Variants in ASPG observed in about 807,000 individuals in gnomAD.
ASPG encodes the protein 60 kDa lysophospholipase.
A neutral mutation model predicts 63.2 loss-of-function variants in ASPG; 53 were observed. The ratio of observed to expected loss-of-function variants is 0.84; its 90% CI spans 0.67 to 1.05. The LOEUF (loss-of-function observed/expected upper bound fraction) is 1.05. Among genes scored for constraint, ASPG ranks in the 50% least tolerant of loss-of-function variants. The pLI is 0.00. For missense variants in ASPG, 741 were observed against 794.4 expected (o/e 0.93, Z 0.81); for synonymous variants, 370 against 355.0 (o/e 1.04, Z -0.48).
At position 104,104,492 on chromosome 14, in the gene ASPG, G is replaced by A; in HGVS notation, c.936+6G>A. ...CAGACTATGCAGCTGGCATGGTAGT[G>A]CCGGGAGATCAGGGCCTAGCGGGGA... On this transcript the variant is annotated splice_donor_region_variant and intron_variant, in intron 8 of 15. Coordinates refer to ENST00000551177, the MANE Select transcript of ASPG (RefSeq NM_001080464.3). 1 of 1,611,212 alleles carries A rather than the reference G, an allele frequency of 6.2e-7. No individual in the cohort carries two copies. Among genetic ancestry groups the A allele is most frequent in the African/African-American group, 1.3e-5 (1 of 75,044 alleles).
intron 1 of ASPG, among the ~76,000 whole-genome samples, chr14:104,087,225 TCTC>T (rs144902118): frequency 0.013 from 1,990 of 152,230 alleles, 12 homozygotes; most frequent in Middle Eastern, 0.017. Context: ...CCTCTGCACT[TCTC>T]CTTCTGCCTG....
rs565281103 is a variant in ASPG at position 104,109,753 on chromosome 14, G to A, written c.1520+438G>A. ...AGCTGAAGCCCCTGGCAGGTGACAG[G>A]TCTCGTGAGCTCTGTTCTCCCCAGC... On this transcript the variant is annotated intron_variant, in intron 13 of 15. Transcript: ENST00000551177. This position sits in a 1 kb window ranked among gnomAD's most constrained non-coding sequence, Gnocchi z 4.8. 1.3e-5 allele frequency among the ~76,000 whole-genome samples: 2 copies of A among 152,058 alleles called. No homozygotes were observed. Among genetic ancestry groups the A allele is most frequent in the East Asian group, 3.9e-4 (2 of 5,144 alleles).
intron 9 of ASPG, 115 bp from the exon 10 acceptor site, chr14:104,105,213 G>A (rs2037068670): frequency 5.9e-6 from 9 of 1,520,718 alleles, no homozygotes; most frequent in South Asian, 3.5e-5. Flanking sequence ...ACACACGGCC[G>A]AGGCTCAGGC....
At chr14:104,108,319 T>C in intron 12 of ASPG, 1 of 795,888 alleles carries the variant, frequency 1.3e-6, no homozygotes, top group Non-Finnish European at 1.5e-6. Context: ...GCTTCTAGAC[T>C]GGGCGTCCTT....
intron 1 of ASPG, 145 bp from the exon 2 acceptor site, chr14:104,092,488 G>T (rs2036397966): frequency 1.2e-5 from 8 of 692,648 alleles, no homozygotes; most frequent in Middle Eastern, 8.0e-4. Flanking sequence ...GGTCCCAGGG[G>T]CAGCCATAGC....
In ASPG at chr14:104,109,119, G is replaced by A. The variant is rs183289227; in HGVS notation, c.1434-110G>A. The A allele has an allele frequency of 6.2e-5, 95 of 1,525,614 alleles. No homozygotes were observed. The highest frequency in any genetic ancestry group is 2.7e-4 in the East Asian group (11 of 40,802). 94.5% of individuals were successfully genotyped at this position (1,525,614 alleles called of 1,614,324 possible). ...GGCTAGGGCTGTGGGGTCTTGGGCC[G>A]GCCGGTCCCCGTCCCTGTGCACAGG... On this transcript the variant is annotated intron_variant, in intron 12 of 15. Transcript: ENST00000551177. This position sits in a 1 kb window ranked among gnomAD's most constrained non-coding sequence, Gnocchi z 4.8.
Position 104,105,336 on chromosome 14 carries a change from C to G in ASPG, c.1059C>G (p.Thr353=), listed in dbSNP as rs762269162. The change falls in exon 10 of 16, where the codon ACC becomes ACG. Residue 353 remains threonine, a synonymous_variant. Transcript: ENST00000551177. ...TCTGTTCTCTCCACCAGCTGCTGAC[C>G]AAGGACCTTCGGGGGGAGATGACGC... ...LSLDVRKELL[T]KDLRGEMTPP... is the part of the protein sequence containing the mutation. 2.6e-5 allele frequency: 42 copies of G among 1,612,536 alleles called. No homozygotes were observed. In the South Asian group the frequency reaches 3.2e-4, roughly 12 times the overall value.
chr14:104,108,380 TCTC>T (rs2037236960), intron 12 of ASPG: 2 of 984,056 alleles, frequency 2.0e-6, no homozygotes, highest in Non-Finnish European at 2.4e-6. Context: ...CGCCCCCTCG[TCTC>T]CTCCTGACTC....
rs936468653 is a variant in ASPG at position 104,093,571 on chromosome 14, C to A, written c.272C>A (p.Ala91Asp). Residue 91 changes from alanine to aspartate, a missense_variant, in exon 3 of 16, where the codon GCT (alanine) becomes GAT (aspartate). Ala to Asp is a moderately radical substitution (Grantham distance 126). Coordinates refer to ENST00000551177, the MANE Select transcript of ASPG (RefSeq NM_001080464.3). Reference protein sequence around the residue: ...PLFDSSDMTIAEWVCLAQTIK... With the variant: ...PLFDSSDMTIDEWVCLAQTIK... ...TTCGACTCCAGTGACATGACCATCG[C>A]TGAGTGGGTTTGCCTTGCCCAGACC... 4 of 1,611,236 alleles carry A rather than the reference C, an allele frequency of 2.5e-6. No homozygotes were observed. In the African/African-American group the frequency reaches 4.0e-5, roughly 16 times the overall value.
intron 6 of ASPG, among the ~76,000 whole-genome samples, chr14:104,101,796 G>C (rs1266735037): frequency 1.3e-5 from 2 of 152,172 alleles, no homozygotes; most frequent in Middle Eastern, 3.2e-3. Context: ...CAGCTGTGCC[G>C]CATCCAGCTT....
intron 6 of ASPG, among the ~76,000 whole-genome samples, chr14:104,102,462 G>A (rs1428347697): frequency 6.6e-6 from 1 of 152,172 alleles, no homozygotes; most frequent in Non-Finnish European, 1.5e-5. Flanking sequence ...TCCCAGCACC[G>A]TGCCGGGCTC....
chr14:104,102,802 A>G (rs1007566959), intron 6 of ASPG, among the ~76,000 whole-genome samples: 2 of 152,122 alleles, frequency 1.3e-5, no homozygotes, highest in African/African-American at 4.8e-5. Flanking sequence ...GAGGACAAGC[A>G]TGTCCTCTGG....
At chr14:104,090,389 C>A (rs1241749774) in intron 1 of ASPG, among the ~76,000 whole-genome samples, 1 of 152,252 alleles carries the variant, frequency 6.6e-6, no homozygotes, top group African/African-American at 2.4e-5. Flanking sequence ...CCCAGCTTCA[C>A]CCGCCGTGAT....
intron 3 of ASPG, among the ~76,000 whole-genome samples, chr14:104,094,859 T>C (rs2036524688): frequency 6.6e-6 from 1 of 152,152 alleles, no homozygotes; most frequent in African/African-American, 2.4e-5. Flanking sequence ...TGGCCTCCGC[T>C]CCTCTGCAGT....
chr14:104,100,551 G>A (rs373601472), intron 6 of ASPG, among the ~76,000 whole-genome samples: 2 of 152,082 alleles, frequency 1.3e-5, no homozygotes, highest in African/African-American at 2.4e-5. Flanking sequence ...CTCACACCCC[G>A]TCCCTTCTTC....
chr14:104,095,690 G>A (rs755200510), intron 4 of ASPG, 34 bp downstream of exon 4: 2 of 1,610,612 alleles, frequency 1.2e-6, no homozygotes, highest in Non-Finnish European at 1.7e-6. Context: ...CTAGGAACAG[G>A]GGCTTCCTGA....
intron 1 of ASPG, 84 bp downstream of exon 1, chr14:104,085,936 G>C (rs1450123295): frequency 1.5e-6 from 2 of 1,314,352 alleles, no homozygotes; most frequent in East Asian, 5.8e-5. Context: ...CACGGGGGTC[G>C]TTGGGGAGTC....
At chr14:104,087,702 G>A (rs921840285) in intron 1 of ASPG, among the ~76,000 whole-genome samples, 1 of 152,208 alleles carries the variant, frequency 6.6e-6, no homozygotes, top group East Asian at 1.9e-4. Flanking sequence ...GCCAACTGCA[G>A]TTTCGTTGAG....
intron 1 of ASPG, among the ~76,000 whole-genome samples, chr14:104,089,350 C>T (rs1431009644): frequency 6.7e-6 from 1 of 149,756 alleles, no homozygotes; most frequent in East Asian, 1.9e-4. Flanking sequence ...CCTGTCTCTA[C>T]TAAAAATACA....
Sources: gnomAD v4.1 joint callset for allele counts (sites outside exome capture counted in the v4.1 genomes callset) on GRCh38, gnomAD v4.1.1 for gene constraint, Gnocchi (gnomAD v3.1) non-coding constraint, MANE v1.5 for transcripts, NCBI Gene and HGNC (gene_info 2026-07-23, HGNC 2026-07-21) for gene names.